PCBP3: variants seen among roughly 807,000 people sequenced by gnomAD.
The protein encoded by PCBP3 is poly(rC)-binding protein 3.
Under a neutral mutation model 52.7 loss-of-function variants are expected in PCBP3, and 25 were observed. That is an observed-to-expected ratio of 0.47 (90% CI 0.35 to 0.66). The LOEUF (loss-of-function observed/expected upper bound fraction) is 0.66. Among genes scored for constraint, PCBP3 ranks in the 30% least tolerant of loss-of-function variants. The pLI, the probability that PCBP3 is intolerant of heterozygous loss-of-function variation, is 0.01. For missense variants in PCBP3, 391 were observed against 490.3 expected (o/e 0.80, Z 1.91); for synonymous variants, 162 against 183.0 (o/e 0.89, Z 0.93).
At chr21:45,728,243 T>G (rs1251838383) in intron 2 of PCBP3, among the ~76,000 whole-genome samples, 1 of 152,258 alleles carries the variant, frequency 6.6e-6, no homozygotes, top group Non-Finnish European at 1.5e-5. Flanking sequence ...AGGTCCTTTA[T>G]CAGGTTCAGA....
Position 45,911,060 on chromosome 21 carries a change from G to A in PCBP3, c.600+30G>A, listed in dbSNP as rs373697853. The stretch of plus-strand genomic sequence containing the variant: ...CGTCTGCGCGCCAGGGCCAGCCCAC[G>A]TCAGTGCTGGATTTGGCCTCCCAGC... On this transcript the variant is annotated intron_variant, in intron 11 of 17. Transcript: ENST00000681687. 1.6e-4 allele frequency: 254 copies of A among 1,603,510 alleles called. 2 individuals are homozygous for A. The highest frequency in any genetic ancestry group is 1.6e-4 in the Non-Finnish European group (189 of 1,179,350).
In PCBP3 at chr21:45,917,251, C is replaced by T. The variant is rs961370064; in HGVS notation, c.676-337C>T. ...AGATGACTGATTAAATTTTCAAAAC[C>T]GTAATAATTAGTGGAGACCTCTTAC... On this transcript the variant is annotated intron_variant, in intron 12 of 17. Coordinates refer to ENST00000681687, the MANE Select transcript of PCBP3 (RefSeq NM_001384156.1). This position sits in a 1 kb window ranked among gnomAD's most constrained non-coding sequence, Gnocchi z 5.3. The T allele has an allele frequency of 3.7e-5, 9 of 245,650 alleles. No individual in the cohort carries two copies. Among genetic ancestry groups the T allele is most frequent in the South Asian group, 1.3e-4 (1 of 7,708 alleles). The allele number at this position is 245,650 out of a possible 1,614,324, so 15.2% of individuals were successfully genotyped here. A position where few individuals can be genotyped will look rare whatever the true frequency, so the allele number is the denominator to read the frequency against.
chr21:45,832,225 G>T (rs1569284781), intron 4 of PCBP3, among the ~76,000 whole-genome samples: 1 of 152,172 alleles, frequency 6.6e-6, no homozygotes, highest in Non-Finnish European at 1.5e-5. Flanking sequence ...CATGGCATTT[G>T]TAAACTGTTA....
intron 2 of PCBP3, among the ~76,000 whole-genome samples, chr21:45,715,780 T>C (rs1338315622): frequency 3.9e-5 from 6 of 152,234 alleles, no homozygotes; most frequent in Admixed American, 3.9e-4. Context: ...GCCATTTGCA[T>C]ATATTTTCTG....
chr21:45,935,533 C>G, intron 16 of PCBP3: 1 of 659,486 alleles, frequency 1.5e-6, no homozygotes, highest in South Asian at 1.5e-5. Context: ...AAGCAACAGG[C>G]TAAAGGGGAC....
At chr21:45,894,429 G>A (rs1478634513) in intron 5 of PCBP3, among the ~76,000 whole-genome samples, 4 of 152,284 alleles carry the variant, frequency 2.6e-5, no homozygotes, top group South Asian at 4.1e-4. Context: ...GTCCATGTGT[G>A]CGGGTCCGTC....
intron 4 of PCBP3, among the ~76,000 whole-genome samples, chr21:45,755,764 A>G (rs1265470646): frequency 6.6e-6 from 1 of 152,208 alleles, no homozygotes; most frequent in Non-Finnish European, 1.5e-5. Flanking sequence ...ATTAAAATTA[A>G]AACATTTTAT....
intron 2 of PCBP3, among the ~76,000 whole-genome samples, chr21:45,713,559 C>G (rs1603305067): frequency 6.6e-6 from 1 of 152,338 alleles, no homozygotes; most frequent in South Asian, 2.1e-4. Flanking sequence ...AGATTTCTTC[C>G]TTACTTTGCA....
At chr21:45,889,643 C>T (rs1426669466) in intron 5 of PCBP3, among the ~76,000 whole-genome samples, 2 of 152,198 alleles carry the variant, frequency 1.3e-5, no homozygotes, top group Non-Finnish European at 2.9e-5. Context: ...GGCCTGGCTG[C>T]GTCTTTCCCT....
chr21:45,740,241 A>T (rs2086325271), intron 3 of PCBP3, among the ~76,000 whole-genome samples: 1 of 152,040 alleles, frequency 6.6e-6, no homozygotes, highest in Non-Finnish European at 1.5e-5. Context: ...GGACAAGCCC[A>T]CCCTCTTGTT....
chr21:45,867,153 T>C (rs76924721), intron 5 of PCBP3, among the ~76,000 whole-genome samples: 2,978 of 152,028 alleles, frequency 0.02, 93 homozygotes, highest in African/African-American at 0.068. Flanking sequence ...AACGTGGTCT[T>C]TTTGGGGAGG....
At chr21:45,679,231 C>T (rs2081670000) in intron 2 of PCBP3, among the ~76,000 whole-genome samples, 1 of 152,030 alleles carries the variant, frequency 6.6e-6, no homozygotes, top group Non-Finnish European at 1.5e-5. Context: ...AGCGATTGTC[C>T]TGCCTCAGCC....
rs902467211 is a variant in PCBP3, at chr21:45,737,068, C to G, written c.-162+1639C>G. 1.3e-5 allele frequency among the ~76,000 whole-genome samples: 2 copies of G among 152,062 alleles called. No homozygotes were observed. The highest frequency in any genetic ancestry group is 4.8e-5 in the African/African-American group (2 of 41,398). Reference sequence around the variant, plus strand: ...GGAGCAGAAGCTCGGGTCTGACATGCCTGGTGCATCCATGGGGCAGTGAGG... The same window carrying G: ...GGAGCAGAAGCTCGGGTCTGACATGGCTGGTGCATCCATGGGGCAGTGAGG... On this transcript the variant is annotated intron_variant, in intron 3 of 17. Coordinates refer to ENST00000681687, the MANE Select transcript of PCBP3 (RefSeq NM_001384156.1). This position sits in a 1 kb window ranked among gnomAD's most constrained non-coding sequence, Gnocchi z 4.9.
At chr21:45,744,973 T>G (rs1447917348) in intron 3 of PCBP3, among the ~76,000 whole-genome samples, 1 of 152,094 alleles carries the variant, frequency 6.6e-6, no homozygotes, top group Non-Finnish European at 1.5e-5. Context: ...TGTGGGTGTT[T>G]TGTAGGAGAT....
chr21:45,935,641 T>C, intron 16 of PCBP3: 1 of 432,248 alleles, frequency 2.3e-6, no homozygotes, highest in Non-Finnish European at 4.4e-6. Context: ...AAGAACAAGG[T>C]GGCCCAGGAA....
intron 2 of PCBP3, among the ~76,000 whole-genome samples, chr21:45,682,535 G>A (rs1441911492): frequency 6.6e-6 from 1 of 152,118 alleles, no homozygotes; most frequent in Non-Finnish European, 1.5e-5. Flanking sequence ...AAGAATAATG[G>A]TGGCATATGG....
chr21:45,898,867 C>T (rs553775007), intron 6 of PCBP3, among the ~76,000 whole-genome samples: 1 of 149,850 alleles, frequency 6.7e-6, no homozygotes, highest in Non-Finnish European at 1.5e-5. Flanking sequence ...CCACGGGCCC[C>T]TCTGCACGCC....
intron 6 of PCBP3, among the ~76,000 whole-genome samples, chr21:45,898,614 G>A (rs1206896791): frequency 9.2e-5 from 9 of 97,436 alleles, no homozygotes; most frequent in Non-Finnish European, 1.9e-4. Flanking sequence ...TCTACACACC[G>A]TCCTCACGGC....
rs796364417 is a variant in PCBP3 at position 45,849,964 on chromosome 21, G to A, written c.-122G>A. 41 of 912,772 alleles carry A rather than the reference G, an allele frequency of 4.5e-5. No individual in the cohort carries two copies. The highest frequency in any genetic ancestry group is 1.6e-4 in the Admixed American group (8 of 49,904). The allele number at this position is 912,772 out of a possible 1,614,324, so 56.5% of individuals were successfully genotyped here. On this transcript the variant is annotated 5_prime_UTR_variant, in exon 5 of 18. Transcript: ENST00000681687. Reference sequence around the variant, plus strand: ...GCCCTGTGTTTTTGTGTTTTAGGTCGGTAGGCTCCACGACAAAAGTCAACC... The same window carrying A: ...GCCCTGTGTTTTTGTGTTTTAGGTCAGTAGGCTCCACGACAAAAGTCAACC...
Sources: allele counts gnomAD v4.1 joint callset (sites outside exome capture counted in the v4.1 genomes callset), GRCh38; gene constraint gnomAD v4.1.1; non-coding constraint Gnocchi (gnomAD v3.1); transcripts MANE v1.5; gene names NCBI Gene and HGNC (gene_info 2026-07-23, HGNC 2026-07-21).